SEL1L2: variants seen among roughly 807,000 people sequenced by gnomAD.
SEL1L2 encodes the protein protein sel-1 homolog 2.
Under a neutral mutation model 98.8 loss-of-function variants are expected in SEL1L2, and 89 were observed. That is an observed-to-expected ratio of 0.90 (90% confidence interval 0.76 to 1.07). The LOEUF (loss-of-function observed/expected upper bound fraction) is 1.07. Ranked by LOEUF, SEL1L2 falls within the 50% of genes least tolerant of loss-of-function variation. The pLI is 0.00. For missense variants in SEL1L2, 788 were observed against 812.0 expected, an observed-to-expected ratio of 0.97 and a Z score of 0.36; for synonymous variants, 262 against 278.5, an observed-to-expected ratio of 0.94 and a Z score of 0.59.
chr20:13,919,434 G>A (rs866497208), intron 3 of SEL1L2, among the ~76,000 whole-genome samples: 3 of 152,150 alleles, frequency 2.0e-5, no homozygotes, highest in Non-Finnish European at 4.4e-5. Context: ...AAGGTTCTCC[G>A]ATCAGAAGGC....
chr20:13,888,028 AC>A, intron 6 of SEL1L2, 27 bp from the exon 7 acceptor site: 2 of 1,594,250 alleles, frequency 1.3e-6, no homozygotes, highest in Non-Finnish European at 8.5e-7. Context: ...CAAACAAAAA[AC>A]CCCCCAAACC....
chr20:13,923,463 T>C (rs1335967330), intron 3 of SEL1L2, among the ~76,000 whole-genome samples: 1 of 152,220 alleles, frequency 6.6e-6, no homozygotes, highest in East Asian at 1.9e-4. Flanking sequence ...TCCATTTTTT[T>C]ACTTAAAAAG....
intron 3 of SEL1L2, among the ~76,000 whole-genome samples, chr20:13,926,280 A>G (rs369095466): frequency 2.0e-5 from 3 of 152,264 alleles, no homozygotes; most frequent in East Asian, 1.9e-4. Flanking sequence ...GCGCCACTGC[A>G]CTCCAGCCTG....
chr20:13,974,464 T>TCC (rs1347938123), intron 1 of SEL1L2, among the ~76,000 whole-genome samples: 1 of 97,560 alleles, frequency 1.0e-5, no homozygotes, highest in Non-Finnish European at 2.2e-5. Flanking sequence ...TTTCCTTTTC[T>TCC]CTCTCTCTCT....
intron 12 of SEL1L2, 75 bp downstream of exon 12, chr20:13,875,963 A>G: frequency 8.5e-7 from 1 of 1,175,224 alleles, no homozygotes; most frequent in Non-Finnish European, 1.3e-6. Context: ...TTCGAAGTCA[A>G]TTCTTTGGCA....
At chr20:13,989,014 A>C (rs2052402058) in intron 1 of SEL1L2, among the ~76,000 whole-genome samples, 1 of 152,190 alleles carries the variant, frequency 6.6e-6, no homozygotes, top group Non-Finnish European at 1.5e-5. Flanking sequence ...ACTCCATCTC[A>C]AAATAAATAA....
At chr20:13,955,155 C>T (rs2050470144) in intron 2 of SEL1L2, among the ~76,000 whole-genome samples, 1 of 152,040 alleles carries the variant, frequency 6.6e-6, no homozygotes, top group Non-Finnish European at 1.5e-5. Flanking sequence ...AAACAAAACC[C>T]TTGCTCTCAT....
chr20:13,877,692 G>A (rs985737149), intron 10 of SEL1L2, 104 bp from the exon 11 acceptor site: 1 of 865,590 alleles, frequency 1.2e-6, no homozygotes, highest in Non-Finnish European at 1.9e-6. Context: ...AATATCTATG[G>A]TGCTTGCCAC....
At chr20:13,890,176 T>C (rs2148014244) in intron 5 of SEL1L2, among the ~76,000 whole-genome samples, 2 of 152,330 alleles carry the variant, frequency 1.3e-5, no homozygotes, top group Middle Eastern at 3.4e-3. Context: ...TGACAGTTTC[T>C]ACCTTGGGAG....
chr20:13,965,984 A>C, intron 1 of SEL1L2, among the ~76,000 whole-genome samples: 1 of 151,722 alleles, frequency 6.6e-6, no homozygotes, highest in African/African-American at 2.4e-5. Flanking sequence ...ATCACTGATC[A>C]CAGACCACCG....
At chr20:13,898,732 TG>T (rs1373994508) in intron 5 of SEL1L2, among the ~76,000 whole-genome samples, 3 of 150,096 alleles carry the variant, frequency 2.0e-5, no homozygotes, top group Non-Finnish European at 4.4e-5. Flanking sequence ...GGCTTCCCAT[TG>T]TTTTTTTATT....
chr20:13,887,265 T>C (rs761314162), intron 8 of SEL1L2, among the ~76,000 whole-genome samples: 5 of 152,204 alleles, frequency 3.3e-5, no homozygotes, highest in Non-Finnish European at 7.3e-5. Context: ...GTTTTTTTCC[T>C]CCTTCTTTCT....
intron 5 of SEL1L2, among the ~76,000 whole-genome samples, chr20:13,902,629 G>A (rs914514491): frequency 8.5e-5 from 13 of 152,134 alleles, no homozygotes; most frequent in African/African-American, 3.1e-4. Flanking sequence ...GGTATGATAA[G>A]ATGTTTTAAG....
At chr20:13,922,238 T>C (rs2048697312) in intron 3 of SEL1L2, among the ~76,000 whole-genome samples, 1 of 146,110 alleles carries the variant, frequency 6.8e-6, no homozygotes, top group Non-Finnish European at 1.5e-5. Context: ...TTTAATGCAA[T>C]TTTTTTTACC....
In SEL1L2 at chr20:13,866,821, G is replaced by A. The variant is rs1415874239; in HGVS notation, c.1285C>T (p.Leu429Phe). 2.5e-6 allele frequency: 4 copies of A among 1,611,480 alleles called. No homozygotes were observed. The highest frequency in any genetic ancestry group is 1.7e-5 in the Admixed American group (1 of 59,520). The stretch of plus-strand genomic sequence containing the variant: ...GCCAGGTAAAAATATTTGAAGGCAA[G>A]TTTATAATCCTTCCATATTCCAGAG... ...SGSGIWKDYKLAFKYFYLASQ... is the reference protein window; with the variant it reads ...SGSGIWKDYKFAFKYFYLASQ... Residue 429 changes from leucine (L) to phenylalanine (F), a missense_variant, in exon 15 of 20, where the codon CTT becomes TTT. Transcript: ENST00000284951.
In SEL1L2 at chr20:13,870,222, G is replaced by A; in HGVS notation, c.1105-19C>T. ...CATTGCCCTAGAAGAGTTTTATAAA[G>A]CCAAGTAAAGTCCCAGAAGAATTCA... is the stretch of plus-strand genomic sequence containing the variant. On this transcript the variant is annotated intron_variant, in intron 12 of 19. Coordinates refer to ENST00000284951, the MANE Select transcript of SEL1L2 (RefSeq NM_025229.2). The A allele has an allele frequency of 6.3e-7, 1 of 1,582,580 alleles. No homozygotes were observed.
At chr20:13,976,385 A>G (rs1307421540) in intron 1 of SEL1L2, among the ~76,000 whole-genome samples, 1 of 152,118 alleles carries the variant, frequency 6.6e-6, no homozygotes, top group Non-Finnish European at 1.5e-5. Flanking sequence ...TGAACAACAT[A>G]CTATACTTTA....
intron 2 of SEL1L2, among the ~76,000 whole-genome samples, chr20:13,936,773 G>A (rs1176555700): frequency 6.6e-6 from 1 of 152,152 alleles, no homozygotes; most frequent in Non-Finnish European, 1.5e-5. Flanking sequence ...CAATTCCCCT[G>A]TCTTGATACA....
At chr20:13,942,525 C>T (rs1391367257) in intron 2 of SEL1L2, among the ~76,000 whole-genome samples, 4 of 152,136 alleles carry the variant, frequency 2.6e-5, no homozygotes, top group Admixed American at 1.3e-4. Flanking sequence ...AACAAGTCCT[C>T]CAGGTGATTA....
Sources: allele counts gnomAD v4.1 joint callset (sites outside exome capture counted in the v4.1 genomes callset), GRCh38; gene constraint gnomAD v4.1.1; transcripts MANE v1.5; gene names NCBI Gene and HGNC (gene_info 2026-07-23, HGNC 2026-07-21).